ZNF589: variants seen among roughly 807,000 people sequenced by gnomAD.
ZNF589 encodes zinc finger protein 589.
In ZNF589, 17 loss-of-function variants were observed where a neutral mutation model predicts 13.6. The observed-to-expected ratio is 1.25, with a 90% CI of 0.86 to 1.88. The LOEUF (loss-of-function observed/expected upper bound fraction) is 1.88. Ranked by LOEUF, ZNF589 falls within the 40% of genes most tolerant of loss-of-function variation. The probability of loss-of-function intolerance (pLI) is 0.00; values close to 1 mark genes in which losing one functional copy is unlikely to be tolerated. For synonymous variants in ZNF589, 148 were observed against 161.6 expected (o/e 0.92, Z 0.64); for missense variants, 407 against 434.0 (o/e 0.94, Z 0.55).
At chr3:48,242,523 C>G (rs1297511679) in intron 1 of ZNF589, among the ~76,000 whole-genome samples, 1 of 151,854 alleles carries the variant, frequency 6.6e-6, no homozygotes, top group Non-Finnish European at 1.5e-5. Flanking sequence ...AGGCTGGTCT[C>G]CAACTCCTGG....
At chr3:48,244,846 C>T (rs934762679) in intron 1 of ZNF589, among the ~76,000 whole-genome samples, 44 of 145,518 alleles carry the variant, frequency 3.0e-4, no homozygotes, top group Admixed American at 8.3e-4. Flanking sequence ...GAGTTTTTTA[C>T]TCTTGTTGCC....
intron 3 of ZNF589, among the ~76,000 whole-genome samples, chr3:48,264,370 T>C (rs1051489730): frequency 6.6e-6 from 1 of 151,740 alleles, no homozygotes; most frequent in African/African-American, 2.4e-5. Context: ...CTGTCCCTAC[T>C]AAAAATACAA....
chr3:48,252,198 TA>T (rs1175791489), intron 2 of ZNF589, among the ~76,000 whole-genome samples: 6 of 151,818 alleles, frequency 4.0e-5, no homozygotes, highest in East Asian at 3.9e-4. Flanking sequence ...TTATTATTAT[TA>T]TTTTTTTTTT....
chr3:48,250,766 C>T (rs929272381), intron 2 of ZNF589, among the ~76,000 whole-genome samples: 8 of 152,112 alleles, frequency 5.3e-5, no homozygotes, highest in Admixed American at 1.3e-4. Flanking sequence ...GCCACCACAC[C>T]TGCCCCGTCT....
intron 2 of ZNF589, among the ~76,000 whole-genome samples, chr3:48,248,522 T>C (rs890167371): frequency 2.0e-5 from 3 of 152,200 alleles, no homozygotes; most frequent in Admixed American, 1.3e-4. Flanking sequence ...CACCCCCTTG[T>C]TCTGATGTTG....
In ZNF589 at chr3:48,268,839, C is replaced by T; in HGVS notation, c.*53C>T. The T allele has an allele frequency of 6.5e-7, 1 of 1,547,338 alleles. No homozygotes were observed. Among genetic ancestry groups the T allele is most frequent in the East Asian group, 2.3e-5 (1 of 43,536 alleles). ...CTCAACACACACCAGAGGATACATT[C>T]AGATGAGAAGCCTTTTGTTTGCAGA... On this transcript the variant is annotated 3_prime_UTR_variant, in exon 4 of 4. Transcript: ENST00000354698.
At chr3:48,256,642 C>T in intron 2 of ZNF589, 1 of 1,012,346 alleles carries the variant, frequency 9.9e-7, no homozygotes, top group Non-Finnish European at 1.6e-6. Context: ...TTCGGGGCAG[C>T]ATGCCTCCAT....
chr3:48,242,528 T>A (rs1275904100), intron 1 of ZNF589, among the ~76,000 whole-genome samples: 1 of 151,856 alleles, frequency 6.6e-6, no homozygotes, highest in Non-Finnish European at 1.5e-5. Context: ...GGTCTCCAAC[T>A]CCTGGGCTCA....
rs1024257610 is a variant in ZNF589 at position 48,270,682 on chromosome 3, G to A, written c.*1896G>A. On this transcript the variant is annotated 3_prime_UTR_variant, in exon 4 of 4. Coordinates refer to ENST00000354698, the MANE Select transcript of ZNF589 (RefSeq NM_016089.3). ...GGGACTCTGCCACAGAAAAGAAGGG[G>A]AGAGATGTTCATGTAACCTCAAAAT... 4 of 181,054 alleles carry A rather than the reference G, an allele frequency of 2.2e-5. No homozygotes were observed. Among genetic ancestry groups the A allele is most frequent in the African/African-American group, 9.4e-5 (4 of 42,338 alleles). 11.2% of individuals were successfully genotyped at this position (181,054 alleles called of 1,614,324 possible). A position where few individuals can be genotyped will look rare whatever the true frequency, so the allele number is the denominator to read the frequency against.
At chr3:48,252,815 G>C (rs2033854394) in intron 2 of ZNF589, among the ~76,000 whole-genome samples, 1 of 150,400 alleles carries the variant, frequency 6.6e-6, no homozygotes, top group Non-Finnish European at 1.5e-5. Flanking sequence ...GTGGAGACGG[G>C]GTTTCACCAT....
At chr3:48,241,295 G>C in intron 1 of ZNF589, 81 bp downstream of exon 1, 1 of 1,552,374 alleles carries the variant, frequency 6.4e-7, no homozygotes, top group Non-Finnish European at 8.7e-7. Context: ...GTATCCACCA[G>C]GGATGCGCGT....
chr3:48,252,692 G>T (rs1053686326), intron 2 of ZNF589, among the ~76,000 whole-genome samples: 4 of 147,396 alleles, frequency 2.7e-5, no homozygotes, highest in Non-Finnish European at 4.5e-5. Flanking sequence ...CAGGATCTCG[G>T]CTCACTGCAG....
At chr3:48,245,671 G>A (rs2033754840) in intron 1 of ZNF589, among the ~76,000 whole-genome samples, 1 of 152,176 alleles carries the variant, frequency 6.6e-6, no homozygotes. Context: ...GAGAAGGCTG[G>A]GCGCGGTGGC....
Position 48,268,539 on chromosome 3 carries a change from G to C in ZNF589, c.848G>C (p.Arg283Pro). The part of the protein sequence containing the change: ...EKPYVCGECG[R>P]GFIVESVLRN... Reference sequence around the variant, plus strand: ...CCTTATGTCTGCGGAGAGTGTGGGCGAGGCTTTATAGTTGAGTCAGTCCTC... The same window carrying C: ...CCTTATGTCTGCGGAGAGTGTGGGCCAGGCTTTATAGTTGAGTCAGTCCTC... The change falls in exon 4 of 4, where the codon CGA becomes CCA. Residue 283 changes from arginine to proline, a missense_variant. Physicochemically the swap from Arg to Pro is moderately radical, Grantham distance 103. Coordinates refer to ENST00000354698, the MANE Select transcript of ZNF589 (RefSeq NM_016089.3). 1 of 1,613,978 alleles carries C rather than the reference G, an allele frequency of 6.2e-7. No individual in the cohort carries two copies. The highest frequency in any genetic ancestry group is 8.5e-7 in the Non-Finnish European group (1 of 1,179,972).
At chr3:48,261,035 G>A in intron 3 of ZNF589, 96 bp downstream of exon 3, 5 of 1,336,156 alleles carry the variant, frequency 3.7e-6, no homozygotes, top group Non-Finnish European at 4.2e-6. Context: ...GAACATATCA[G>A]TGAATAGAAT....
chr3:48,244,056 T>G (rs1393492252), intron 1 of ZNF589, among the ~76,000 whole-genome samples: 2 of 152,126 alleles, frequency 1.3e-5, no homozygotes, highest in Non-Finnish European at 2.9e-5. Context: ...GGTCTCATGC[T>G]GGGGAGAGGC....
chr3:48,269,595 C>A lies in ZNF589; in HGVS notation c.*809C>A. The A allele has an allele frequency of 2.9e-6, 1 of 338,992 alleles. No individual in the cohort carries two copies. Among genetic ancestry groups the A allele is most frequent in the Non-Finnish European group, 5.8e-6 (1 of 172,448 alleles). The allele number at this position is 338,992 out of a possible 1,614,324, so 21.0% of individuals were successfully genotyped here. ...CTCAGCTTACATCAGAGGATACACT[C>A]GGGGGAGAAGCCTTATGCATGCGTG... On this transcript the variant is annotated 3_prime_UTR_variant, in exon 4 of 4. Transcript: ENST00000354698.
rs201880366 is a variant in ZNF589 at position 48,268,217 on chromosome 3, A to G, written c.526A>G (p.Ile176Val). 530 of 1,606,944 alleles carry G rather than the reference A, an allele frequency of 3.3e-4. 5 individuals are homozygous for G. In the South Asian group the frequency reaches 4.9e-3, roughly 15 times the overall value. Residue 176 changes from isoleucine to valine, a missense_variant, in exon 4 of 4, where the codon ATA becomes GTA. Transcript: ENST00000354698. ...GFSSLFQRPPISSWGGNRILE... is the reference protein window; with the variant it reads ...GFSSLFQRPPVSSWGGNRILE... ...CTCTAGCCTGTTCCAGAGACCACCA[A>G]TAAGCTCTTGGGGAGGCAACAGAAT...
intron 3 of ZNF589, among the ~76,000 whole-genome samples, chr3:48,266,555 G>A (rs1013256245): frequency 6.6e-5 from 10 of 152,326 alleles, no homozygotes; most frequent in East Asian, 3.9e-4. Context: ...GCCGGGCGCC[G>A]TGGCTCACGC....
Sources: allele counts gnomAD v4.1 joint callset (sites outside exome capture counted in the v4.1 genomes callset), GRCh38; gene constraint gnomAD v4.1.1; transcripts MANE v1.5; gene names NCBI Gene and HGNC (gene_info 2026-07-23, HGNC 2026-07-21).